PPFIA2: variants seen among roughly 807,000 people sequenced by gnomAD.
The protein encoded by PPFIA2 is PPFI scaffold protein A2.
PPFIA2 carries 46 observed loss-of-function variants against 175.5 expected under a neutral mutation model. The observed-to-expected ratio is 0.26, with a 90% CI of 0.21 to 0.34. The LOEUF is 0.34. Among genes scored for constraint, PPFIA2 ranks in the 10% least tolerant of loss-of-function variants. The pLI is 1.00. For synonymous variants in PPFIA2, 568 were observed against 511.4 expected, an observed-to-expected ratio of 1.11 and a Z score of -1.49; for missense variants, 1,179 against 1,506.1, an observed-to-expected ratio of 0.78 and a Z score of 3.60.
intron 4 of PPFIA2, among the ~76,000 whole-genome samples, chr12:81,651,879 G>A (rs1410553934): frequency 6.6e-6 from 1 of 151,960 alleles, no homozygotes; most frequent in Non-Finnish European, 1.5e-5. Context: ...ATTGGCTTTT[G>A]AAGATAGCAT....
At chr12:81,390,876 T>G (rs754829164) in intron 8 of PPFIA2, among the ~76,000 whole-genome samples, 1 of 151,684 alleles carries the variant, frequency 6.6e-6, no homozygotes, top group Non-Finnish European at 1.5e-5. Context: ...GTCATAAAGA[T>G]TTTCAATTTT....
intron 22 of PPFIA2, among the ~76,000 whole-genome samples, chr12:81,304,770 CAA>C (rs948185665): frequency 2.0e-5 from 3 of 151,942 alleles, no homozygotes; most frequent in African/African-American, 7.3e-5. Context: ...GAGACGTAGA[CAA>C]GAGAAAAGCA....
At chr12:81,358,922 T>C (rs548103184) in intron 15 of PPFIA2, among the ~76,000 whole-genome samples, 1 of 151,922 alleles carries the variant, frequency 6.6e-6, no homozygotes, top group African/African-American at 2.4e-5. Flanking sequence ...GATGAAAGAG[T>C]CGGAAAATTT....
chr12:81,547,435 G>T (rs1237085740), intron 4 of PPFIA2, among the ~76,000 whole-genome samples: 2 of 151,746 alleles, frequency 1.3e-5, no homozygotes, highest in East Asian at 3.9e-4. Flanking sequence ...GAGTGCAATG[G>T]CATGATCTCC....
At chr12:81,738,218 G>A (rs1161536290) in intron 3 of PPFIA2, among the ~76,000 whole-genome samples, 1 of 151,734 alleles carries the variant, frequency 6.6e-6, no homozygotes, top group Non-Finnish European at 1.5e-5. Flanking sequence ...ATGTCTTAGT[G>A]CCAAGTGAAA....
chr12:81,436,488 T>C (rs186297999), intron 7 of PPFIA2, among the ~76,000 whole-genome samples: 1 of 152,038 alleles, frequency 6.6e-6, no homozygotes, highest in East Asian at 1.9e-4. Context: ...TCTTCAGTTA[T>C]TGCCTCCAAC....
intron 4 of PPFIA2, among the ~76,000 whole-genome samples, chr12:81,564,825 G>A (rs1036357092): frequency 3.3e-5 from 5 of 152,104 alleles, no homozygotes; most frequent in Non-Finnish European, 7.4e-5. Flanking sequence ...CAGATACTGA[G>A]CCTCAAATCT....
At chr12:81,567,821 C>T (rs1364957376) in intron 4 of PPFIA2, among the ~76,000 whole-genome samples, 2 of 152,150 alleles carry the variant, frequency 1.3e-5, no homozygotes, top group Non-Finnish European at 2.9e-5. Flanking sequence ...TAGCACTTTC[C>T]TGAATTCTAT....
intron 28 of PPFIA2, among the ~76,000 whole-genome samples, chr12:81,269,733 CT>C (rs1386753497): frequency 2.6e-5 from 4 of 152,174 alleles, no homozygotes; most frequent in Non-Finnish European, 4.4e-5. Flanking sequence ...CCAATATGTA[CT>C]TTTTTGTCTG....
At chr12:81,292,741 G>A (rs1304992333) in intron 24 of PPFIA2, 1 of 152,010 alleles carries the variant, frequency 6.6e-6, no homozygotes, top group Non-Finnish European at 1.5e-5. Context: ...TTGACTGTGT[G>A]TGGGGGGTCA....
chr12:81,492,147 A>G (rs994349187), intron 4 of PPFIA2, among the ~76,000 whole-genome samples: 6 of 152,046 alleles, frequency 3.9e-5, no homozygotes, highest in Non-Finnish European at 1.5e-5. Context: ...AAATAAAAGC[A>G]TAATGTAAGT....
chr12:81,564,742 G>A (rs1361369244), intron 4 of PPFIA2, among the ~76,000 whole-genome samples: 2 of 152,162 alleles, frequency 1.3e-5, no homozygotes, highest in East Asian at 1.9e-4. Context: ...CTGGTTGGTT[G>A]TTTCTAAGTT....
chr12:81,518,018 A>C (rs186638542), intron 4 of PPFIA2, among the ~76,000 whole-genome samples: 1 of 152,246 alleles, frequency 6.6e-6, no homozygotes, highest in East Asian at 1.9e-4. Flanking sequence ...GCAGCACACC[A>C]ACATGGCACA....
chr12:81,418,033 C>T lies in PPFIA2; in HGVS notation c.646-12130G>A, dbSNP rs142502510. Among the ~76,000 whole-genome samples the T allele has an allele frequency of 1.2e-4, 18 of 151,826 alleles. No homozygotes were observed. In the East Asian group the frequency reaches 2.3e-3, roughly 20 times the overall value. On this transcript the variant is annotated intron_variant, in intron 7 of 32. Coordinates refer to ENST00000549396, the MANE Select transcript of PPFIA2 (RefSeq NM_003625.5). The stretch of plus-strand genomic sequence containing the variant: ...ACTCTTTATGCCAACCACAGTTTTA[C>T]GTTGTTTGAATGTATTAATTAATTT...
chr12:81,314,149 A>C (rs964473929), intron 22 of PPFIA2, among the ~76,000 whole-genome samples: 1 of 151,932 alleles, frequency 6.6e-6, no homozygotes. Flanking sequence ...ATGACTTTCA[A>C]ACAAATGTGT....
intron 4 of PPFIA2, among the ~76,000 whole-genome samples, chr12:81,573,458 C>T (rs1169959204): frequency 6.6e-6 from 1 of 151,834 alleles, no homozygotes; most frequent in Non-Finnish European, 1.5e-5. Context: ...TATAGACATC[C>T]ATTCTTCTGC....
intron 30 of PPFIA2, 114 bp from the exon 31 acceptor site, chr12:81,263,504 A>T: frequency 3.4e-6 from 3 of 882,650 alleles, no homozygotes; most frequent in Non-Finnish European, 5.0e-6. Flanking sequence ...TCTGTCAAGT[A>T]TACGTATGGA....
At chr12:81,365,543 C>A (rs2032923278) in intron 14 of PPFIA2, among the ~76,000 whole-genome samples, 1 of 151,636 alleles carries the variant, frequency 6.6e-6, no homozygotes, top group East Asian at 1.9e-4. Context: ...ATAACAGCAT[C>A]ACGTCCAAAA....
chr12:81,453,243 G>A (rs886907974), intron 5 of PPFIA2, among the ~76,000 whole-genome samples: 6 of 146,436 alleles, frequency 4.1e-5, no homozygotes, highest in Non-Finnish European at 8.9e-5. Context: ...AGAATTCAAA[G>A]TCACACAATA....
Sources: allele counts gnomAD v4.1 joint callset (sites outside exome capture counted in the v4.1 genomes callset), GRCh38; gene constraint gnomAD v4.1.1; transcripts MANE v1.5; gene names NCBI Gene and HGNC (gene_info 2026-07-23, HGNC 2026-07-21).